The following MED4 variants were observed in gnomAD, a reference collection of about 807,000 sequenced individuals.
MED4 encodes the protein mediator of RNA polymerase II transcription subunit 4.
Under a neutral mutation model 35.0 loss-of-function variants are expected in MED4, and 21 were observed. The observed-to-expected ratio is 0.60, with a 90% CI of 0.43 to 0.86. MED4 has a LOEUF of 0.86. MED4 is among the 40% of genes least tolerant of loss of function. MED4 has a pLI of 0.00. For missense variants in MED4, 300 were observed against 319.4 expected, an observed-to-expected ratio of 0.94 and a Z score of 0.46; for synonymous variants, 138 against 114.0, an observed-to-expected ratio of 1.21 and a Z score of -1.34.
rs777467397 is a variant in MED4 at position 48,094,973 on chromosome 13, C to A, written c.106G>T (p.Asp36Tyr). The A allele has an allele frequency of 3.1e-6, 5 of 1,603,982 alleles. No homozygotes were observed. In the South Asian group the frequency reaches 5.5e-5, roughly 18 times the overall value. Residue 36 changes from aspartate (D) to tyrosine (Y), a missense_variant, in exon 1 of 7, where the codon GAC (aspartate) becomes TAC (tyrosine). Physicochemically the swap from Asp to Tyr is radical, Grantham distance 160. Transcript: ENST00000258648. ...CATTACCTAGACAGGACCTCCAAGTCCTCAAGCGCAGACAGCAGCCGCTCT... is the reference window on the plus strand; with the variant it reads ...CATTACCTAGACAGGACCTCCAAGTACTCAAGCGCAGACAGCAGCCGCTCT... Reference protein sequence around the residue: ...TRERLLSALEDLEVLSRELIE... With the variant: ...TRERLLSALEYLEVLSRELIE...
At position 48,086,246 on chromosome 13, in the gene MED4, C is replaced by G. The variant is rs559021913; in HGVS notation, c.363+36G>C. On this transcript the variant is annotated intron_variant, in intron 3 of 6. Transcript: ENST00000258648. ...TTTCAGAAACAGATTAAACAACATC[C>G]TTTTTAACCTTAAGAACCAACCTCT... The G allele has an allele frequency of 1.7e-5, 27 of 1,589,620 alleles. 1 individual carries two copies. In the South Asian group the frequency reaches 2.9e-4, roughly 17 times the overall value.
At chr13:48,079,429 A>T (rs774860454) in intron 6 of MED4, among the ~76,000 whole-genome samples, 4 of 152,180 alleles carry the variant, frequency 2.6e-5, no homozygotes, top group Non-Finnish European at 5.9e-5. Context: ...CCGGCAAAGA[A>T]TCTAGCTATT....
Position 48,077,117 on chromosome 13 carries a change from G to A in MED4, c.*22C>T. 1 of 1,578,780 alleles carries A rather than the reference G, an allele frequency of 6.3e-7. No homozygotes were observed. Among genetic ancestry groups the A allele is most frequent in the Non-Finnish European group, 8.6e-7 (1 of 1,162,482 alleles). On this transcript the variant is annotated 3_prime_UTR_variant, in exon 7 of 7. Coordinates refer to ENST00000258648, the MANE Select transcript of MED4 (RefSeq NM_014166.4). ...ACAGAATTCTACAGTATTCAATTCT[G>A]TATATTGTCTTTTAAGGTTTTTCAA... is the stretch of plus-strand genomic sequence containing the variant.
intron 6 of MED4, among the ~76,000 whole-genome samples, chr13:48,078,311 T>C (rs547483059): frequency 1.3e-5 from 2 of 152,296 alleles, no homozygotes; most frequent in South Asian, 4.1e-4. Flanking sequence ...CTGCCACAAT[T>C]AAGTTTTGTC....
chr13:48,086,848 T>C (rs1374424745), intron 2 of MED4, among the ~76,000 whole-genome samples: 3 of 151,920 alleles, frequency 2.0e-5, no homozygotes, highest in African/African-American at 7.3e-5. Flanking sequence ...TCACGAGTTC[T>C]AGACTGGCCT....
chr13:48,092,905 C>T (rs962616063), intron 1 of MED4, among the ~76,000 whole-genome samples: 4 of 152,128 alleles, frequency 2.6e-5, no homozygotes, highest in Admixed American at 6.5e-5. Flanking sequence ...GAAGGCTTTA[C>T]AAGGCTTGCC....
At position 48,091,523 on chromosome 13, in the gene MED4, T is replaced by C. The variant is rs1950889853; in HGVS notation, c.126-1105A>G. On this transcript the variant is annotated intron_variant, in intron 1 of 6. Coordinates refer to ENST00000258648, the MANE Select transcript of MED4 (RefSeq NM_014166.4). ...AGCATCATATCATTTTTCTGGATCA[T>C]GTCAATTAGACCCAACCCTTCCCAC... 2.6e-5 allele frequency among the ~76,000 whole-genome samples: 4 copies of C among 152,218 alleles called. No individual in the cohort carries two copies. The South Asian group carries it at 8.3e-4, about 31-fold the overall frequency.
intron 5 of MED4, among the ~76,000 whole-genome samples, chr13:48,080,918 C>T (rs1239952685): frequency 1.3e-5 from 2 of 152,122 alleles, no homozygotes; most frequent in Non-Finnish European, 2.9e-5. Flanking sequence ...TGAAAGCACA[C>T]TAAATAGCAG....
In MED4 at chr13:48,087,594, G is replaced by A. The variant is rs556911574; in HGVS notation, c.193-1142C>T. ...CGGCCAGGCGCAGTGGCTCATGCCT[G>A]TAATCCCAGCACTTTGGGAGGCCGA... is the stretch of plus-strand genomic sequence containing the variant. On this transcript the variant is annotated intron_variant, in intron 2 of 6. Transcript: ENST00000258648. 7.2e-5 allele frequency among the ~76,000 whole-genome samples: 11 copies of A among 152,228 alleles called. No individual in the cohort carries two copies. In the East Asian group the frequency reaches 2.1e-3, roughly 29 times the overall value.
chr13:48,089,974 T>A (rs1343084208), intron 2 of MED4, among the ~76,000 whole-genome samples: 1 of 152,244 alleles, frequency 6.6e-6, no homozygotes, highest in Non-Finnish European at 1.5e-5. Flanking sequence ...ATTAGGGAAC[T>A]ATACTTACAA....
chr13:48,080,018 A>G, intron 5 of MED4, 43 bp from the exon 6 acceptor site: 1 of 1,596,786 alleles, frequency 6.3e-7, no homozygotes, highest in African/African-American at 1.3e-5. Flanking sequence ...ATATTTTAAA[A>G]AATAAGTGTT....
chr13:48,090,161 G>A (rs1950880622), intron 2 of MED4, among the ~76,000 whole-genome samples, 191 bp downstream of exon 2: 2 of 152,190 alleles, frequency 1.3e-5, no homozygotes, highest in East Asian at 3.9e-4. Context: ...TTCTTCTTAA[G>A]CGCACTGTTA....
At chr13:48,083,959 T>C (rs1950829777) in intron 3 of MED4, among the ~76,000 whole-genome samples, 1 of 152,078 alleles carries the variant, frequency 6.6e-6, no homozygotes, top group African/African-American at 2.4e-5. Context: ...TATGACACTG[T>C]GGTTAAGAGT....
At chr13:48,081,754 G>GTA in intron 4 of MED4, 23 bp from the exon 5 acceptor site, 2 of 1,471,412 alleles carry the variant, frequency 1.4e-6, no homozygotes, top group South Asian at 2.4e-5. Context: ...TAAGAGGACA[G>GTA]TATAACCTGT....
chr13:48,086,581 C>T lies in MED4; in HGVS notation c.193-129G>A, dbSNP rs563369855. 28 of 737,864 alleles carry T rather than the reference C, an allele frequency of 3.8e-5. 2 individuals carry two copies. The South Asian group carries it at 5.4e-4, about 14-fold the overall frequency. The allele number at this position is 737,864 out of a possible 1,614,324, so 45.7% of individuals were successfully genotyped here. A position where few individuals can be genotyped will look rare whatever the true frequency, so the allele number is the denominator to read the frequency against. ...CACCTTCAAAATTTTATTCCTAATT[C>T]TTGTTAAGAATAAAAAGAGCCTACC... On this transcript the variant is annotated intron_variant, in intron 2 of 6. Coordinates refer to ENST00000258648, the MANE Select transcript of MED4 (RefSeq NM_014166.4).
At chr13:48,080,033 T>C in intron 5 of MED4, 58 bp from the exon 6 acceptor site, 2 of 1,568,554 alleles carry the variant, frequency 1.3e-6, no homozygotes, top group South Asian at 1.1e-5. Flanking sequence ...AGTGTTAATA[T>C]GTTATTTGAC....
chr13:48,087,180 A>T (rs540151842), intron 2 of MED4, among the ~76,000 whole-genome samples: 2 of 152,052 alleles, frequency 1.3e-5, no homozygotes, highest in Admixed American at 1.3e-4. Flanking sequence ...AGCCTGACCA[A>T]CATGGAGAAA....
In MED4 at chr13:48,093,014, G is replaced by A. The variant is rs145908577; in HGVS notation, c.125+1940C>T. ...AGAAACCCCTGTCCTCCCCAACTGCGAAAAAGAGGCCAAAGGAAGCCCCCA... is the reference window on the plus strand; with the variant it reads ...AGAAACCCCTGTCCTCCCCAACTGCAAAAAAGAGGCCAAAGGAAGCCCCCA... On this transcript the variant is annotated intron_variant, in intron 1 of 6. Coordinates refer to ENST00000258648, the MANE Select transcript of MED4 (RefSeq NM_014166.4). Among the ~76,000 whole-genome samples, 1,046 of 152,224 alleles carry A rather than the reference G, an allele frequency of 6.9e-3. 5 individuals are homozygous for A. Among genetic ancestry groups the A allele is most frequent in the Non-Finnish European group, 9.7e-3 (661 of 68,016 alleles).
Position 48,077,160 on chromosome 13 carries a change from G to A in MED4, c.792C>T (p.Ser264=), listed in dbSNP as rs1433105172. The A allele has an allele frequency of 6.2e-7, 1 of 1,609,526 alleles. No homozygotes were observed. The change falls in exon 7 of 7, where the codon AGC becomes AGT. Residue 264 remains serine, a synonymous_variant. Coordinates refer to ENST00000258648, the MANE Select transcript of MED4 (RefSeq NM_014166.4). The stretch of plus-strand genomic sequence containing the variant: ...TTTTTCAATCAGACTCACTACTACT[G>A]CTTGAGGAGTCCGTTGACATAATCT... ...DVEIMSTDSS[S]SSSESD
Sources: gnomAD v4.1 joint callset for allele counts (sites outside exome capture counted in the v4.1 genomes callset) on GRCh38, gnomAD v4.1.1 for gene constraint, MANE v1.5 for transcripts, NCBI Gene and HGNC (gene_info 2026-07-23, HGNC 2026-07-21) for gene names.